CCDC88A: variants seen among roughly 807,000 people sequenced by gnomAD.
CCDC88A encodes girdin.
CCDC88A carries 54 observed loss-of-function variants against 234.3 expected under a neutral mutation model. The observed-to-expected ratio is 0.23, with a 90% CI of 0.19 to 0.29. The LOEUF (loss-of-function observed/expected upper bound fraction) is 0.29, where lower values mean the gene tolerates loss of function less well. CCDC88A is among the 10% of genes least tolerant of loss of function. CCDC88A has a pLI of 1.00. For missense variants in CCDC88A, 1,832 were observed against 2,123.4 expected, an observed-to-expected ratio of 0.86 and a Z score of 2.70; for synonymous variants, 753 against 737.8, an observed-to-expected ratio of 1.02 and a Z score of -0.33.
rs1681109510 is a variant in CCDC88A at position 55,303,266 on chromosome 2, T to C, written c.4388-114A>G. The stretch of plus-strand genomic sequence containing the variant: ...AGGACAGAAATGAATGTTTGAGTTT[T>C]AGCTATGTATGCTATATTAAGGCTA... On this transcript the variant is annotated intron_variant, in intron 25 of 32. Transcript: ENST00000436346. The C allele has an allele frequency of 4.2e-6, 3 of 709,846 alleles. No homozygotes were observed. In the Admixed American group the frequency reaches 6.2e-5, roughly 15 times the overall value. 44.0% of individuals were successfully genotyped at this position (709,846 alleles called of 1,614,324 possible). A position where few individuals can be genotyped will look rare whatever the true frequency, so the allele number is the denominator to read the frequency against.
chr2:55,337,590 G>A (rs1489447968), intron 13 of CCDC88A: 3 of 152,080 alleles, frequency 2.0e-5, no homozygotes, highest in Non-Finnish European at 4.4e-5. Flanking sequence ...AACATTAATG[G>A]AAATAACTAC....
rs1446711837 is a variant in CCDC88A at position 55,290,308 on chromosome 2, A to G, written c.*892T>C. On this transcript the variant is annotated 3_prime_UTR_variant, in exon 33 of 33. Coordinates refer to ENST00000436346, the MANE Select transcript of CCDC88A (RefSeq NM_001365480.1). Reference sequence around the variant, plus strand: ...TTATTTACATTATTTTTGCCATAAGAAAACTTCTTAAGCAACAGTCAGCTC... The same window carrying G: ...TTATTTACATTATTTTTGCCATAAGGAAACTTCTTAAGCAACAGTCAGCTC... The G allele has an allele frequency of 6.6e-6, 1 of 152,156 alleles. No homozygotes were observed. The highest frequency in any genetic ancestry group is 2.4e-5 in the African/African-American group (1 of 41,462). 9.4% of individuals were successfully genotyped at this position (152,156 alleles called of 1,614,324 possible).
At chr2:55,397,601 T>C (rs1476748794) in intron 2 of CCDC88A, among the ~76,000 whole-genome samples, 1 of 152,094 alleles carries the variant, frequency 6.6e-6, no homozygotes, top group African/African-American at 2.4e-5. Context: ...TATAGTAATA[T>C]CATTATTTTA....
At chr2:55,346,152 G>A in intron 10 of CCDC88A, 23 bp downstream of exon 10, 1 of 1,532,326 alleles carries the variant, frequency 6.5e-7, no homozygotes, top group Non-Finnish European at 8.8e-7. Context: ...AAAAAATCAT[G>A]AATGGTTAAT....
chr2:55,318,751 C>T, intron 19 of CCDC88A, 92 bp downstream of exon 19: 1 of 1,041,814 alleles, frequency 9.6e-7, no homozygotes, highest in Non-Finnish European at 1.3e-6. Context: ...AGTTCATTCA[C>T]TAAGAAACAA....
intron 9 of CCDC88A, among the ~76,000 whole-genome samples, chr2:55,347,573 T>G (rs1669309471): frequency 6.7e-6 from 1 of 150,174 alleles, no homozygotes; most frequent in Non-Finnish European, 1.5e-5. Flanking sequence ...AACGGTTATT[T>G]CATTAAAATA....
In CCDC88A at chr2:55,317,711, A is replaced by C; in HGVS notation, c.3455T>G (p.Leu1152Arg). The change falls in exon 20 of 33, where the codon CTC becomes CGC. Residue 1152 changes from leucine to arginine, a missense_variant. Around this residue, in one of 6 missense-constraint regions of CCDC88A, gnomAD observed 1,282 missense variants for 1,543.6 expected, o/e 0.83. Transcript: ENST00000436346. The surrounding 1 kb of genome is among the most constrained non-coding windows in gnomAD (Gnocchi z 4.2). Reference sequence around the variant, plus strand: ...ATGATCTTTGATCAGAGAATCATAGAGAGATTTTAGGTCTTCTCGCTCTTT... The same window carrying C: ...ATGATCTTTGATCAGAGAATCATAGCGAGATTTTAGGTCTTCTCGCTCTTT... ...VIKEREDLKS[L>R]YDSLIKDHEK... 1 of 1,613,698 alleles carries C rather than the reference A, an allele frequency of 6.2e-7. No homozygotes were observed. The highest frequency in any genetic ancestry group is 8.5e-7 in the Non-Finnish European group (1 of 1,179,744).
intron 8 of CCDC88A, among the ~76,000 whole-genome samples, chr2:55,351,670 T>C (rs1669903263): frequency 2.0e-5 from 3 of 152,222 alleles, no homozygotes; most frequent in African/African-American, 7.2e-5. Context: ...TTTAAACATA[T>C]AATTCAGCAG....
intron 2 of CCDC88A, among the ~76,000 whole-genome samples, chr2:55,416,012 G>A (rs574364238): frequency 1.5e-4 from 22 of 151,684 alleles, no homozygotes; most frequent in Admixed American, 3.3e-4. Flanking sequence ...AAATCACCAG[G>A]CATGCAAAAG....
chr2:55,387,421 G>A (rs1275346207), intron 3 of CCDC88A, among the ~76,000 whole-genome samples: 1 of 151,920 alleles, frequency 6.6e-6, no homozygotes, highest in Non-Finnish European at 1.5e-5. Flanking sequence ...GATTTTGAAA[G>A]TCACCTCTGA....
intron 2 of CCDC88A, chr2:55,417,000 C>A (rs1272697128): frequency 6.6e-6 from 1 of 151,314 alleles, no homozygotes; most frequent in Non-Finnish European, 1.5e-5. Flanking sequence ...AGAGGTGGAA[C>A]TGAAAATACA....
At chr2:55,297,174 A>G (rs1260944886) in intron 29 of CCDC88A, 1 of 146,568 alleles carries the variant, frequency 6.8e-6, no homozygotes, top group Non-Finnish European at 1.5e-5. Context: ...CTCTGTCTCA[A>G]CAATAAAAAT....
At chr2:55,370,462 T>A (rs1328747667) in intron 5 of CCDC88A, among the ~76,000 whole-genome samples, 1 of 151,296 alleles carries the variant, frequency 6.6e-6, no homozygotes, top group Non-Finnish European at 1.5e-5. Flanking sequence ...GCCAACATGG[T>A]GAAACCCTGT....
chr2:55,303,415 G>A (rs1011783748), intron 25 of CCDC88A, among the ~76,000 whole-genome samples: 9 of 142,828 alleles, frequency 6.3e-5, no homozygotes, highest in African/African-American at 1.1e-4. Context: ...TTTTTGAGAC[G>A]GAGTTTTGCT....
intron 27 of CCDC88A, chr2:55,301,521 A>G: frequency 4.0e-6 from 2 of 502,922 alleles, no homozygotes; most frequent in East Asian, 3.4e-5. Context: ...GACCCTGCAA[A>G]GCAAAACAAG....
At chr2:55,318,586 T>C (rs779884880) in intron 19 of CCDC88A, among the ~76,000 whole-genome samples, 6 of 152,170 alleles carry the variant, frequency 3.9e-5, no homozygotes, top group Non-Finnish European at 8.8e-5. Flanking sequence ...TTCTACCTAA[T>C]TTTTTACAAT....
chr2:55,393,451 C>T lies in CCDC88A; in HGVS notation c.165-4565G>A, dbSNP rs1162886485. Among the ~76,000 whole-genome samples, 14 of 151,516 alleles carry T rather than the reference C, an allele frequency of 9.2e-5. No homozygotes were observed. The East Asian group carries it at 9.7e-4, about 10-fold the overall frequency. ...GACTACAGGCACGTGCCACCACGCC[C>T]GGCTAATTTTTTTTGTATTTTTAGT... On this transcript the variant is annotated intron_variant, in intron 2 of 32. Coordinates refer to ENST00000436346, the MANE Select transcript of CCDC88A (RefSeq NM_001365480.1).
Position 55,332,606 on chromosome 2 carries a change from T to C in CCDC88A, c.2815A>G (p.Lys939Glu), listed in dbSNP as rs1313077760. The change falls in exon 16 of 33, where the codon AAG becomes GAG. Residue 939 changes from lysine to glutamate, a missense_variant. Physicochemically the swap from Lys to Glu is moderately conservative, Grantham distance 56. This residue lies in a region of CCDC88A where 1,282 missense variants were observed against 1,543.6 expected (regional missense o/e 0.83). Coordinates refer to ENST00000436346, the MANE Select transcript of CCDC88A (RefSeq NM_001365480.1). This position sits in a 1 kb window ranked among gnomAD's most constrained non-coding sequence, Gnocchi z 4.5. ...TGTTCATCATGTAAGAGTCGCTCCT[T>C]ATTTAACCCTATCTTCTCAAGCTCA... ...THELEKIGLN[K>E]ERLLHDEQST... 1 of 1,613,736 alleles carries C rather than the reference T, an allele frequency of 6.2e-7. No homozygotes were observed. The highest frequency in any genetic ancestry group is 1.7e-5 in the Admixed American group (1 of 60,024).
chr2:55,347,606 CTTT>C (rs547733323), intron 9 of CCDC88A, among the ~76,000 whole-genome samples: 107 of 102,144 alleles, frequency 1.0e-3, no homozygotes, highest in Middle Eastern at 6.8e-3. Flanking sequence ...ATTCATCTAC[CTTT>C]TTTTTTTTTT....
Sources: gnomAD v4.1 joint callset for allele counts (sites outside exome capture counted in the v4.1 genomes callset) on GRCh38, gnomAD v4.1.1 for gene constraint, gnomAD v4.1.1 regional missense constraint, Gnocchi (gnomAD v3.1) non-coding constraint, MANE v1.5 for transcripts, NCBI Gene and HGNC (gene_info 2026-07-23, HGNC 2026-07-21) for gene names.